KCNJ5: variants seen among roughly 807,000 people sequenced by gnomAD.
KCNJ5 encodes G protein-activated inward rectifier potassium channel 4.
KCNJ5 carries 12 observed loss-of-function variants against 20.2 expected under a neutral mutation model. That is an observed-to-expected ratio of 0.59 (90% CI 0.38 to 0.96). The LOEUF (loss-of-function observed/expected upper bound fraction) is 0.96, where lower values mean the gene tolerates loss of function less well. Ranked by LOEUF, KCNJ5 falls within the 40% of genes least tolerant of loss-of-function variation. KCNJ5 has a pLI of 0.00. For missense variants in KCNJ5, 449 were observed against 557.6 expected (o/e 0.81, Z 1.96); for synonymous variants, 210 against 213.9 (o/e 0.98, Z 0.16).
chr11:128,920,580 C>T lies in KCNJ5; in HGVS notation c.*3849C>T, dbSNP rs1413376880. 2 of 152,204 alleles carry T rather than the reference C, an allele frequency of 1.3e-5. No individual in the cohort carries two copies. The highest frequency in any genetic ancestry group is 4.8e-5 in the African/African-American group (2 of 41,432). 9.4% of individuals were successfully genotyped at this position (152,204 alleles called of 1,614,324 possible). On this transcript the variant is annotated 3_prime_UTR_variant, in exon 3 of 3. Coordinates refer to ENST00000529694, the MANE Select transcript of KCNJ5 (RefSeq NM_000890.5). ...CCTGAACACACCTCTGCCCATGCGCCATGGAGCATGTGTTAGGTGCCTGCC... is the reference window on the plus strand; with the variant it reads ...CCTGAACACACCTCTGCCCATGCGCTATGGAGCATGTGTTAGGTGCCTGCC...
chr11:128,906,161 C>G lies in KCNJ5; in HGVS notation c.-10-5103C>G, dbSNP rs538573551. 4 of 151,730 alleles carry G rather than the reference C, an allele frequency of 2.6e-5. No individual in the cohort carries two copies. In the East Asian group the frequency reaches 7.8e-4, roughly 30 times the overall value. The allele number at this position is 151,730 out of a possible 1,614,324, so 9.4% of individuals were successfully genotyped here. A position where few individuals can be genotyped will look rare whatever the true frequency, so the allele number is the denominator to read the frequency against. ...ACTGTACACACACCTTTCATTTCATCTTCGCAGCAGCTCTTTTTGGTGAGT... is the reference window on the plus strand; with the variant it reads ...ACTGTACACACACCTTTCATTTCATGTTCGCAGCAGCTCTTTTTGGTGAGT... On this transcript the variant is annotated intron_variant, in intron 1 of 2. Transcript: ENST00000529694.
chr11:128,919,365 C>G lies in KCNJ5; in HGVS notation c.*2634C>G, dbSNP rs2282512. 0.098 allele frequency: 14,912 copies of G among 152,386 alleles called. 936 individuals carry two copies. The highest frequency in any genetic ancestry group is 0.2 in the East Asian group (1,035 of 5,176). The allele number at this position is 152,386 out of a possible 1,614,324, so 9.4% of individuals were successfully genotyped here. On this transcript the variant is annotated 3_prime_UTR_variant, in exon 3 of 3. Transcript: ENST00000529694. ...TCTCAGCCAAGTCTAGAAGCTCTGGCTAGAGGAGAGGAAGCGTGCAGAGGG... is the reference window on the plus strand; with the variant it reads ...TCTCAGCCAAGTCTAGAAGCTCTGGGTAGAGGAGAGGAAGCGTGCAGAGGG...
intron 1 of KCNJ5, chr11:128,903,233 A>C (rs1250213198): frequency 3.6e-6 from 4 of 1,101,326 alleles, no homozygotes; most frequent in Middle Eastern, 3.1e-4. Context: ...GTTTCTCTAC[A>C]TCAAAATATG....
chr11:128,898,181 T>G (rs1026864969), intron 1 of KCNJ5, among the ~76,000 whole-genome samples: 2 of 152,244 alleles, frequency 1.3e-5, no homozygotes, highest in Non-Finnish European at 2.9e-5. Flanking sequence ...TTTATCTATA[T>G]CTATAAAAAA....
rs551226762 is a variant in KCNJ5 at position 128,903,347 on chromosome 11, G to A, written c.-10-7917G>A. ...GAGTGTGTCTGTGTTGGAAGAACGC[G>A]ATCCGGCAGCTGCACTCACCTCACA... On this transcript the variant is annotated intron_variant, in intron 1 of 2. Transcript: ENST00000529694. 22 of 1,613,692 alleles carry A rather than the reference G, an allele frequency of 1.4e-5. No homozygotes were observed. In the East Asian group the frequency reaches 1.6e-4, roughly 11 times the overall value.
At chr11:128,912,507 T>TTTTG (rs10665238) in intron 2 of KCNJ5, among the ~76,000 whole-genome samples, 128,019 of 151,432 alleles carry the variant, frequency 0.85, 54,273 homozygotes, top group African/African-American at 0.9. Context: ...GTTGTTGTTG[T>TTTTG]TTTGTTTATT....
intron 1 of KCNJ5, chr11:128,902,500 G>A: frequency 2.6e-6 from 4 of 1,552,826 alleles, no homozygotes; most frequent in Non-Finnish European, 3.5e-6. Context: ...TGTCATAGCA[G>A]CCGTCTGCAT....
intron 1 of KCNJ5, among the ~76,000 whole-genome samples, chr11:128,898,691 T>C (rs528780631): frequency 1.4e-4 from 22 of 152,354 alleles, no homozygotes; most frequent in Admixed American, 1.4e-3. Flanking sequence ...TCTTTCTTTC[T>C]TTCTTTTTTT....
At chr11:128,907,864 TC>T (rs2135995944) in intron 1 of KCNJ5, among the ~76,000 whole-genome samples, 1 of 152,366 alleles carries the variant, frequency 6.6e-6, no homozygotes, top group South Asian at 2.1e-4. Context: ...CTGCTTTATG[TC>T]CAGCTCCTAG....
At chr11:128,898,459 G>A (rs573359912) in intron 1 of KCNJ5, among the ~76,000 whole-genome samples, 21 of 152,340 alleles carry the variant, frequency 1.4e-4, no homozygotes, top group Admixed American at 2.6e-4. Flanking sequence ...ACCTTGAAAT[G>A]CCATGGGAAA....
intron 1 of KCNJ5, chr11:128,902,333 G>T (rs1944298356): frequency 8.1e-6 from 5 of 613,622 alleles, no homozygotes; most frequent in Non-Finnish European, 8.5e-6. Context: ...CTCAGCGCTT[G>T]CAGTCAGACA....
chr11:128,903,486 C>G (rs1267854098), intron 1 of KCNJ5: 1 of 1,614,144 alleles, frequency 6.2e-7, no homozygotes. Context: ...AGGTGTTACC[C>G]TCACTCCTGA....
Position 128,918,417 on chromosome 11 carries a change from G to A in KCNJ5, c.*1686G>A, listed in dbSNP as rs530245878. On this transcript the variant is annotated 3_prime_UTR_variant, in exon 3 of 3. Transcript: ENST00000529694. ...CTGGAGGCCCAAGAGCAAGGGTGGA[G>A]GGGGGCAGATTGTCAGGTCCCGAAA... The A allele has an allele frequency of 6.6e-6, 1 of 152,516 alleles. No homozygotes were observed. Among genetic ancestry groups the A allele is most frequent in the East Asian group, 1.9e-4 (1 of 5,182 alleles). The allele number at this position is 152,516 out of a possible 1,614,324, so 9.4% of individuals were successfully genotyped here.
chr11:128,909,672 G>A (rs1241351238), intron 1 of KCNJ5, among the ~76,000 whole-genome samples: 1 of 152,204 alleles, frequency 6.6e-6, no homozygotes, highest in Non-Finnish European at 1.5e-5. Flanking sequence ...AAGACATGCA[G>A]CTGGCCAAGT....
At chr11:128,915,416 G>A (rs1411883688) in intron 2 of KCNJ5, among the ~76,000 whole-genome samples, 1 of 152,188 alleles carries the variant, frequency 6.6e-6, no homozygotes. Flanking sequence ...CTCTCCGTAT[G>A]TGTCCGCCCA....
intron 1 of KCNJ5, among the ~76,000 whole-genome samples, chr11:128,894,619 G>A (rs935693801): frequency 6.6e-6 from 1 of 152,252 alleles, no homozygotes; most frequent in African/African-American, 2.4e-5. Flanking sequence ...AAAGATTGTA[G>A]TGAGGTATTT....
intron 2 of KCNJ5, among the ~76,000 whole-genome samples, chr11:128,916,008 G>GAACA (rs1944573521): frequency 6.7e-6 from 1 of 148,732 alleles, no homozygotes; most frequent in Admixed American, 6.7e-5. Flanking sequence ...ATGGATGGAT[G>GAACA]GATGATTGGA....
intron 1 of KCNJ5, among the ~76,000 whole-genome samples, chr11:128,898,558 C>A (rs1944212583): frequency 6.6e-6 from 1 of 152,260 alleles, no homozygotes; most frequent in Non-Finnish European, 1.5e-5. Context: ...TTCTTTGTTT[C>A]CTCCTCCTCA....
At chr11:128,903,433 A>T in intron 1 of KCNJ5, 2 of 1,614,174 alleles carry the variant, frequency 1.2e-6, no homozygotes, top group Non-Finnish European at 1.7e-6. Context: ...TCTGGTTACT[A>T]TGGCATGCAC....
Sources: allele counts gnomAD v4.1 joint callset (sites outside exome capture counted in the v4.1 genomes callset), GRCh38; gene constraint gnomAD v4.1.1; transcripts MANE v1.5; gene names NCBI Gene and HGNC (gene_info 2026-07-23, HGNC 2026-07-21).